The following CPN2 variants were observed in gnomAD, a reference collection of about 807,000 sequenced individuals.
CPN2 encodes the protein carboxypeptidase N subunit 2, also known as carboxypeptidase N 83 kDa chain.
For synonymous variants in CPN2, 336 were observed against 318.4 expected (o/e 1.06, Z -0.59); for missense variants, 620 against 671.4 (o/e 0.92, Z 0.85).
chr3:194,349,517 G>C (rs1440365548), intron 1 of CPN2, among the ~76,000 whole-genome samples: 1 of 152,120 alleles, frequency 6.6e-6, no homozygotes, highest in Non-Finnish European at 1.5e-5. Context: ...TAAATATTGA[G>C]ATAAACATGT....
At chr3:194,350,573 C>G (rs1465181770) in intron 1 of CPN2, among the ~76,000 whole-genome samples, 1 of 152,106 alleles carries the variant, frequency 6.6e-6, no homozygotes, top group East Asian at 1.9e-4. Context: ...AATAGAAAGC[C>G]CTTAACACAG....
At chr3:194,349,408 G>A (rs1396327607) in intron 1 of CPN2, among the ~76,000 whole-genome samples, 1 of 152,134 alleles carries the variant, frequency 6.6e-6, no homozygotes, top group Non-Finnish European at 1.5e-5. Context: ...TTGAATTGTG[G>A]ATGATTTTAA....
At chr3:194,349,778 C>CTTTTTTTTTTTTTTTTTTT (rs757478492) in intron 1 of CPN2, among the ~76,000 whole-genome samples, 2 of 65,538 alleles carry the variant, frequency 3.1e-5, no homozygotes, top group African/African-American at 1.2e-4. Flanking sequence ...CTACCCTCTT[C>CTTTTTTTTTTTTTTTTTTT]TTTTTTTTTT....
rs1712856837 is a variant in CPN2, at chr3:194,342,048, G to C, written c.655C>G (p.Leu219Val). 1 of 1,614,074 alleles carries C rather than the reference G, an allele frequency of 6.2e-7. No homozygotes were observed. Residue 219 changes from leucine (L) to valine (V), a missense_variant, in exon 2 of 2, where the codon CTG becomes GTG. Coordinates refer to ENST00000323830, the MANE Select transcript of CPN2 (RefSeq NM_001080513.4). The stretch of plus-strand genomic sequence containing the variant: ...TTGCTGTCCAGGAAGAGCTCCTGCA[G>C]GCTGCCCAGTTTGCCAAACACACCC... ...PQGVFGKLGS[L>V]QELFLDSNNI...
Position 194,342,212 on chromosome 3 carries a change from A to G in CPN2, c.491T>C (p.Leu164Pro), listed in dbSNP as rs1712869610. ...CTTCAGATGGGTCAGAGGCTGGAAG[A>G]GCCTCCTGGGCAGGGCCTGGAGCTG... The part of the protein sequence containing the change: ...GNQLQALPRR[L>P]FQPLTHLKTL... Residue 164 changes from leucine (L) to proline (P), a missense_variant, in exon 2 of 2, where the codon CTC becomes CCC. Transcript: ENST00000323830. 6.2e-7 allele frequency: 1 copy of G among 1,613,968 alleles called. No individual in the cohort carries two copies.
At position 194,342,021 on chromosome 3, in the gene CPN2, T is replaced by C; in HGVS notation, c.682A>G (p.Asn228Asp). ...ACCTGAGGGGGCAGCTCCGAGATGT[T>C]GTTGCTGTCCAGGAAGAGCTCCTGC... ...SLQELFLDSN[N>D]ISELPPQVFS... Residue 228 changes from asparagine to aspartate, a missense_variant, in exon 2 of 2, where the codon AAC becomes GAC. Physicochemically the swap from Asn to Asp is conservative, Grantham distance 23. Transcript: ENST00000323830. 1.9e-6 allele frequency: 3 copies of C among 1,614,122 alleles called. No individual in the cohort carries two copies. The highest frequency in any genetic ancestry group is 1.7e-6 in the Non-Finnish European group (2 of 1,180,024).
rs199990965 is a variant in CPN2, at chr3:194,342,002, G to A, written c.701C>T (p.Pro234Leu). 5.8e-5 allele frequency: 94 copies of A among 1,614,082 alleles called. No homozygotes were observed. The highest frequency in any genetic ancestry group is 7.4e-5 in the Non-Finnish European group (87 of 1,180,048). Reference protein sequence around the residue: ...LDSNNISELPPQVFSQLFCLE... With the variant: ...LDSNNISELPLQVFSQLFCLE... ...GCAGAAGAGCTGGGAGAACACCTGA[G>A]GGGGCAGCTCCGAGATGTTGTTGCT... The change falls in exon 2 of 2, where the codon CCT becomes CTT. Residue 234 changes from proline to leucine, a missense_variant. Coordinates refer to ENST00000323830, the MANE Select transcript of CPN2 (RefSeq NM_001080513.4).
intron 1 of CPN2, among the ~76,000 whole-genome samples, chr3:194,343,890 T>C (rs965760090): frequency 6.6e-6 from 1 of 152,158 alleles, no homozygotes; most frequent in African/African-American, 2.4e-5. Context: ...GAAAAGGTTA[T>C]TTGAACACCA....
rs1049111194 is a variant in CPN2 at position 194,341,661 on chromosome 3, T to C, written c.1042A>G (p.Asn348Asp). The C allele has an allele frequency of 1.2e-6, 2 of 1,613,956 alleles. No homozygotes were observed. ...AGGGCTGGGTGCAGCGCCGTAAGGTTGTTGCTGCCCAGGTAGAGTTTGACC... is the reference window on the plus strand; with the variant it reads ...AGGGCTGGGTGCAGCGCCGTAAGGTCGTTGCTGCCCAGGTAGAGTTTGACC... ...ELVKLYLGSN[N>D]LTALHPALFQ... is the part of the protein sequence containing the mutation. The change falls in exon 2 of 2, where the codon AAC becomes GAC. Residue 348 changes from asparagine to aspartate, a missense_variant. Asn to Asp is a conservative substitution (Grantham distance 23). Transcript: ENST00000323830.
Position 194,340,792 on chromosome 3 carries a change from T to C in CPN2, c.*273A>G, listed in dbSNP as rs1008359314. On this transcript the variant is annotated 3_prime_UTR_variant, in exon 2 of 2. Transcript: ENST00000323830. ...AGGCATCAGGGCTGAGGATATTTTA[T>C]TCTCCAGGCTGTGGTGCAGCTTTTG... The C allele has an allele frequency of 2.2e-6, 1 of 445,420 alleles. No homozygotes were observed. The highest frequency in any genetic ancestry group is 3.7e-5 in the Admixed American group (1 of 26,930). 27.6% of individuals were successfully genotyped at this position (445,420 alleles called of 1,614,324 possible). A position where few individuals can be genotyped will look rare whatever the true frequency, so the allele number is the denominator to read the frequency against.
In CPN2 at chr3:194,341,353, G is replaced by T. The variant is rs376273772; in HGVS notation, c.1350C>A (p.Asp450Glu). The T allele has an allele frequency of 8.7e-6, 14 of 1,613,868 alleles. No homozygotes were observed. In the African/African-American group the frequency reaches 1.7e-4, roughly 20 times the overall value. The change falls in exon 2 of 2, where the codon GAC (aspartate) becomes GAA (glutamate). Residue 450 changes from aspartate (D) to glutamate (E), a missense_variant. Coordinates refer to ENST00000323830, the MANE Select transcript of CPN2 (RefSeq NM_001080513.4). The part of the protein sequence containing the change: ...EKQLVCPVTR[D>E]HLGFQVTWPD... Reference sequence around the variant, plus strand: ...GCCACGTGACCTGGAAGCCCAAGTGGTCCCGGGTGACGGGACACACCAGCT... The same window carrying T: ...GCCACGTGACCTGGAAGCCCAAGTGTTCCCGGGTGACGGGACACACCAGCT...
chr3:194,349,973 T>C (rs1187561782), intron 1 of CPN2, among the ~76,000 whole-genome samples: 1 of 151,828 alleles, frequency 6.6e-6, no homozygotes, highest in Non-Finnish European at 1.5e-5. Context: ...GGCTAATTTT[T>C]GTATTTTTAG....
In CPN2 at chr3:194,340,753, G is replaced by GCCGTATCA; in HGVS notation, c.*311_*312insTGATACGG. 2 of 334,016 alleles carry GCCGTATCA rather than the reference G, an allele frequency of 6.0e-6. No individual in the cohort carries two copies. The highest frequency in any genetic ancestry group is 7.7e-5 in the South Asian group (1 of 12,936). 20.7% of individuals were successfully genotyped at this position (334,016 alleles called of 1,614,324 possible). ...AGGGTGTAGGTGAGAGCGGTTGGGTGTTACATAATGGGGAGGCATCAGGGC... is the reference window on the plus strand; with the variant it reads ...AGGGTGTAGGTGAGAGCGGTTGGGTGCCGTATCATTACATAATGGGGAGGCATCAGGGC... On this transcript the variant is annotated 3_prime_UTR_variant, in exon 2 of 2. Coordinates refer to ENST00000323830, the MANE Select transcript of CPN2 (RefSeq NM_001080513.4).
chr3:194,350,045 G>T (rs976368516), intron 1 of CPN2, among the ~76,000 whole-genome samples: 2 of 151,774 alleles, frequency 1.3e-5, no homozygotes, highest in African/African-American at 2.4e-5. Context: ...CAGGTGATCC[G>T]CCTGCCTCGG....
intron 1 of CPN2, among the ~76,000 whole-genome samples, chr3:194,344,520 C>T (rs1712980722): frequency 6.6e-6 from 1 of 152,034 alleles, no homozygotes; most frequent in Non-Finnish European, 1.5e-5. Context: ...GATGGTGAAA[C>T]CTGTCTCTAC....
chr3:194,346,024 A>G (rs1050940892), intron 1 of CPN2, among the ~76,000 whole-genome samples: 4 of 152,328 alleles, frequency 2.6e-5, no homozygotes, highest in Admixed American at 1.3e-4. Context: ...AGGCAGAGGG[A>G]GAGATATCTC....
At chr3:194,342,832 C>T in intron 1 of CPN2, 127 bp from the exon 2 acceptor site, 1 of 576,154 alleles carries the variant, frequency 1.7e-6, no homozygotes, top group East Asian at 2.8e-5. Flanking sequence ...CAACATGCGG[C>T]AGGACCAAGA....
chr3:194,340,822 T>G lies in CPN2; in HGVS notation c.*243A>C. Reference sequence around the variant, plus strand: ...CAGGCTGTGGTGCAGCTTTTGAGGGTGCTTTGCAAGGCATAAGGATGGCCT... The same window carrying G: ...CAGGCTGTGGTGCAGCTTTTGAGGGGGCTTTGCAAGGCATAAGGATGGCCT... On this transcript the variant is annotated 3_prime_UTR_variant, in exon 2 of 2. Transcript: ENST00000323830. 1 of 519,484 alleles carries G rather than the reference T, an allele frequency of 1.9e-6. No individual in the cohort carries two copies. Among genetic ancestry groups the G allele is most frequent in the East Asian group, 3.0e-5 (1 of 32,996 alleles). 32.2% of individuals were successfully genotyped at this position (519,484 alleles called of 1,614,324 possible).
At chr3:194,347,196 G>T (rs1405106063) in intron 1 of CPN2, among the ~76,000 whole-genome samples, 2 of 140,130 alleles carry the variant, frequency 1.4e-5, no homozygotes, top group East Asian at 3.9e-4. Flanking sequence ...CTTTTTAAAT[G>T]GGGTTTTTTT....
Sources: gnomAD v4.1 joint callset for allele counts (sites outside exome capture counted in the v4.1 genomes callset) on GRCh38, gnomAD v4.1.1 for gene constraint, MANE v1.5 for transcripts, NCBI Gene and HGNC (gene_info 2026-07-23, HGNC 2026-07-21) for gene names.